Variants in GPC5 observed in about 807,000 individuals in gnomAD.
The protein encoded by GPC5 is glypican-5.
In GPC5, 47 loss-of-function variants were observed where a neutral mutation model predicts 53.9. The ratio of observed to expected loss-of-function variants is 0.87; its 90% confidence interval spans 0.69 to 1.11. GPC5 has a LOEUF of 1.11. Among genes scored for constraint, GPC5 ranks in the 50% most tolerant of loss-of-function variants. GPC5 has a pLI of 0.00. For synonymous variants in GPC5, 286 were observed against 263.3 expected, an observed-to-expected ratio of 1.09 and a Z score of -0.84; for missense variants, 748 against 713.1, an observed-to-expected ratio of 1.05 and a Z score of -0.56.
chr13:91,400,681 T>C (rs962094735), intron 1 of GPC5, among the ~76,000 whole-genome samples: 3 of 152,192 alleles, frequency 2.0e-5, no homozygotes, highest in Non-Finnish European at 2.9e-5. Flanking sequence ...TTGCCTGCTA[T>C]GTTCACCGAA....
intron 7 of GPC5, among the ~76,000 whole-genome samples, chr13:92,322,964 C>CA (rs1456713095): frequency 6.6e-6 from 1 of 150,688 alleles, no homozygotes. Context: ...AAGGAGGAGA[C>CA]AAAAAAAGGC....
intron 2 of GPC5, among the ~76,000 whole-genome samples, chr13:91,529,205 T>A (rs1401943956): frequency 6.6e-6 from 1 of 152,238 alleles, no homozygotes; most frequent in Non-Finnish European, 1.5e-5. Context: ...CACACTTTTT[T>A]ATTTTATTCA....
At chr13:91,947,146 C>G (rs945641044) in intron 6 of GPC5, among the ~76,000 whole-genome samples, 1 of 152,114 alleles carries the variant, frequency 6.6e-6, no homozygotes, top group African/African-American at 2.4e-5. Flanking sequence ...TTAGTGTATT[C>G]ATCTCCAAAA....
intron 7 of GPC5, among the ~76,000 whole-genome samples, chr13:92,783,186 ACT>A (rs1458941833): frequency 6.6e-6 from 1 of 152,078 alleles, no homozygotes; most frequent in Non-Finnish European, 1.5e-5. Context: ...CCAACTCATG[ACT>A]CAGGTATCTT....
chr13:92,552,571 G>A (rs1040943677), intron 7 of GPC5, among the ~76,000 whole-genome samples: 2 of 151,862 alleles, frequency 1.3e-5, no homozygotes, highest in Non-Finnish European at 2.9e-5. Context: ...TTCAGAAGAA[G>A]TCATGAATAT....
At chr13:92,111,644 A>G (rs191732910) in intron 6 of GPC5, among the ~76,000 whole-genome samples, 1 of 152,324 alleles carries the variant, frequency 6.6e-6, no homozygotes, top group Admixed American at 6.5e-5. Flanking sequence ...GTGCTACACA[A>G]ACTTTGGAAA....
chr13:91,964,309 T>G (rs371199582), intron 6 of GPC5, among the ~76,000 whole-genome samples: 18 of 152,300 alleles, frequency 1.2e-4, no homozygotes, highest in East Asian at 7.7e-4. Context: ...GTTGCTGGTG[T>G]GGGCTCCGTG....
chr13:92,766,896 A>G (rs923859049), intron 7 of GPC5, among the ~76,000 whole-genome samples: 10 of 152,210 alleles, frequency 6.6e-5, no homozygotes, highest in African/African-American at 2.4e-4. Flanking sequence ...TATTTTCTCT[A>G]ATTCACTTGA....
intron 6 of GPC5, among the ~76,000 whole-genome samples, chr13:92,123,296 C>T (rs1246751161): frequency 4.6e-5 from 7 of 151,612 alleles, no homozygotes; most frequent in Non-Finnish European, 2.9e-5. Context: ...ATTCCAGTTA[C>T]TTTGGGAGGC....
intron 7 of GPC5, among the ~76,000 whole-genome samples, chr13:92,306,655 T>G (rs890979237): frequency 3.9e-5 from 6 of 152,218 alleles, no homozygotes; most frequent in African/African-American, 1.4e-4. Context: ...CTCAAAACTT[T>G]CTGTCCCTGT....
At chr13:92,022,981 A>T (rs1398431153) in intron 6 of GPC5, among the ~76,000 whole-genome samples, 1 of 152,022 alleles carries the variant, frequency 6.6e-6, no homozygotes, top group South Asian at 2.1e-4. Context: ...TTCCTAAGAT[A>T]CTGTTCTGTG....
rs542582240 is a variant in GPC5, at chr13:92,398,664, C to G, written c.1561+253675C>G. Among the ~76,000 whole-genome samples, 6 of 152,226 alleles carry G rather than the reference C, an allele frequency of 3.9e-5. No individual in the cohort carries two copies. The South Asian group carries it at 1.2e-3, about 32-fold the overall frequency. ...TCCTCAAGTTAAATCTCAATAGATTCTTACTCTTCTATAAATACATCCAGC... is the reference window on the plus strand; with the variant it reads ...TCCTCAAGTTAAATCTCAATAGATTGTTACTCTTCTATAAATACATCCAGC... On this transcript the variant is annotated intron_variant, in intron 7 of 7. Coordinates refer to ENST00000377067, the MANE Select transcript of GPC5 (RefSeq NM_004466.6).
chr13:91,796,322 C>T (rs2038045992), intron 5 of GPC5, among the ~76,000 whole-genome samples: 1 of 152,246 alleles, frequency 6.6e-6, no homozygotes, highest in Non-Finnish European at 1.5e-5. Flanking sequence ...GACACCCTGC[C>T]GGATCTGGAG....
At position 91,572,012 on chromosome 13, in the gene GPC5, T is replaced by C. The variant is rs114121998; in HGVS notation, c.326-121175T>C. ...ATGTGTATATGTGTATATATGCATA[T>C]ATGCATATACGTGTGTATATATGTG... is the stretch of plus-strand genomic sequence containing the variant. On this transcript the variant is annotated intron_variant, in intron 2 of 7. Coordinates refer to ENST00000377067, the MANE Select transcript of GPC5 (RefSeq NM_004466.6). Among the ~76,000 whole-genome samples the C allele has an allele frequency of 2.3e-3, 292 of 127,642 alleles. 11 individuals are homozygous for C. The highest frequency in any genetic ancestry group is 0.011 in the African/African-American group (280 of 24,740). 83.7% of individuals were successfully genotyped at this position (127,642 alleles called of 152,430 possible). A position where few individuals can be genotyped will look rare whatever the true frequency, so the allele number is the denominator to read the frequency against.
chr13:91,842,424 CG>C (rs139687004), intron 5 of GPC5, among the ~76,000 whole-genome samples: 6,926 of 148,862 alleles, frequency 0.047, 200 homozygotes, highest in Middle Eastern at 0.065. Flanking sequence ...GTTATTTAGC[CG>C]GGCGCGGTGG....
intron 6 of GPC5, among the ~76,000 whole-genome samples, chr13:91,910,601 A>G (rs2039600975): frequency 6.6e-6 from 1 of 152,146 alleles, no homozygotes; most frequent in African/African-American, 2.4e-5. Context: ...GCCTGCATAC[A>G]CTCACCCAAA....
intron 7 of GPC5, among the ~76,000 whole-genome samples, chr13:92,623,083 T>A (rs1169825821): frequency 6.6e-6 from 1 of 151,996 alleles, no homozygotes; most frequent in East Asian, 1.9e-4. Flanking sequence ...GGAGGATGGC[T>A]TGAGCCTGGG....
chr13:92,479,595 C>T (rs1003467783), intron 7 of GPC5, among the ~76,000 whole-genome samples: 3 of 152,164 alleles, frequency 2.0e-5, no homozygotes, highest in East Asian at 1.9e-4. Context: ...AGTTCCTCCT[C>T]CTCCCTGTCC....
At chr13:92,777,335 CA>C (rs71202561) in intron 7 of GPC5, among the ~76,000 whole-genome samples, 772 of 63,456 alleles carry the variant, frequency 0.012, 2 homozygotes, top group Non-Finnish European at 0.018. Flanking sequence ...GACTCCATCT[CA>C]AAAAAAAAAA....
Sources: allele counts gnomAD v4.1 joint callset (sites outside exome capture counted in the v4.1 genomes callset), GRCh38; gene constraint gnomAD v4.1.1; transcripts MANE v1.5; gene names NCBI Gene and HGNC (gene_info 2026-07-23, HGNC 2026-07-21).